The following SMURF1 variants were observed in gnomAD, a reference collection of about 807,000 sequenced individuals.
The protein encoded by SMURF1 is SMAD specific E3 ubiquitin protein ligase 1, also known as E3 ubiquitin-protein ligase SMURF1.
A neutral mutation model predicts 98.0 loss-of-function variants in SMURF1; 44 were observed. That is an observed-to-expected ratio of 0.45 (90% CI 0.35 to 0.58). The LOEUF (loss-of-function observed/expected upper bound fraction) is 0.58. Ranked by LOEUF, SMURF1 falls within the 20% of genes least tolerant of loss-of-function variation. SMURF1 has a pLI of 0.00. For missense variants in SMURF1, 687 were observed against 938.4 expected (o/e 0.73, Z 3.50); for synonymous variants, 396 against 374.9 (o/e 1.06, Z -0.65).
At chr7:99,056,195 A>G (rs1309713593) in intron 5 of SMURF1, among the ~76,000 whole-genome samples, 1 of 152,124 alleles carries the variant, frequency 6.6e-6, no homozygotes, top group African/African-American at 2.4e-5. Flanking sequence ...GTATGTCTGC[A>G]CTATTCATTT....
chr7:99,130,483 CATT>C (rs1797848923), intron 1 of SMURF1, among the ~76,000 whole-genome samples: 1 of 152,066 alleles, frequency 6.6e-6, no homozygotes, highest in Admixed American at 6.6e-5. Context: ...TCCCAAATAA[CATT>C]ATACAACAAT....
intron 1 of SMURF1, among the ~76,000 whole-genome samples, chr7:99,136,183 G>C (rs1797989692): frequency 6.6e-6 from 1 of 152,168 alleles, no homozygotes; most frequent in African/African-American, 2.4e-5. Context: ...GACAGAGCAA[G>C]ACCCCATCTC....
At chr7:99,078,980 A>G (rs1472852194) in intron 1 of SMURF1, among the ~76,000 whole-genome samples, 1 of 152,224 alleles carries the variant, frequency 6.6e-6, no homozygotes, top group Non-Finnish European at 1.5e-5. Flanking sequence ...CCTGGTGCCA[A>G]AAAGGCTGGG....
At chr7:99,134,412 T>C (rs558256807) in intron 1 of SMURF1, among the ~76,000 whole-genome samples, 1 of 152,310 alleles carries the variant, frequency 6.6e-6, no homozygotes, top group South Asian at 2.1e-4. Flanking sequence ...TTAGTATCAC[T>C]GACAGGTATG....
intron 1 of SMURF1, among the ~76,000 whole-genome samples, chr7:99,131,493 T>C (rs1438622023): frequency 6.6e-6 from 1 of 151,860 alleles, no homozygotes; most frequent in Non-Finnish European, 1.5e-5. Context: ...CCTGTAATCC[T>C]AGTACTTTGG....
chr7:99,123,326 A>G (rs952372972), intron 1 of SMURF1, among the ~76,000 whole-genome samples: 3 of 152,074 alleles, frequency 2.0e-5, no homozygotes, highest in Non-Finnish European at 4.4e-5. Flanking sequence ...AGAGACCAGG[A>G]GTTCGAGACC....
intron 6 of SMURF1, among the ~76,000 whole-genome samples, chr7:99,052,808 G>A (rs1795791708): frequency 1.3e-5 from 2 of 152,208 alleles, no homozygotes; most frequent in Admixed American, 1.3e-4. Flanking sequence ...GCTCACGCCT[G>A]TAATCCCAAC....
In SMURF1 at chr7:99,063,296, TATATATATAA is replaced by T. The variant is rs1796109401; in HGVS notation, c.56-1469_56-1460del. Among the ~76,000 whole-genome samples, 21 of 22,664 alleles carry T rather than the reference TATATATATAA, an allele frequency of 9.3e-4. 1 individual carries two copies. In the East Asian group the frequency reaches 0.019, roughly 21 times the overall value. The allele number at this position is 22,664 out of a possible 152,430, so 14.9% of individuals were successfully genotyped here. On this transcript the variant is annotated intron_variant, in intron 1 of 17. Transcript: ENST00000361368. ...ATATATATATATATATATATATATA[TATATATATAA>T]AAAGAGACAGGGTCTCACTCCGTCA...
intron 1 of SMURF1, among the ~76,000 whole-genome samples, chr7:99,141,182 A>G (rs1023825231): frequency 6.6e-5 from 10 of 152,240 alleles, no homozygotes; most frequent in African/African-American, 2.2e-4. Context: ...TCCTCAAAGC[A>G]TTCTTGCTTC....
intron 1 of SMURF1, among the ~76,000 whole-genome samples, chr7:99,141,278 G>T (rs1419937982): frequency 6.6e-6 from 1 of 152,196 alleles, no homozygotes; most frequent in Admixed American, 6.5e-5. Flanking sequence ...TGGCAAATAG[G>T]ATTGATTAAT....
At chr7:99,034,421 A>C (rs1795044052) in intron 16 of SMURF1, among the ~76,000 whole-genome samples, 2 of 152,186 alleles carry the variant, frequency 1.3e-5, no homozygotes, top group South Asian at 4.1e-4. Context: ...TGCTGTGGGC[A>C]AGACAATGGC....
chr7:99,080,322 G>A (rs1584155545), intron 1 of SMURF1, among the ~76,000 whole-genome samples: 4 of 152,274 alleles, frequency 2.6e-5, no homozygotes, highest in South Asian at 2.1e-4. Context: ...TTTTTGAGAC[G>A]GAGTTTCGCT....
At chr7:99,089,344 T>C (rs887250548) in intron 1 of SMURF1, among the ~76,000 whole-genome samples, 1 of 151,440 alleles carries the variant, frequency 6.6e-6, no homozygotes, top group Non-Finnish European at 1.5e-5. Flanking sequence ...TTTTTTTATT[T>C]TAAAAACTGT....
chr7:99,061,870 T>TCTG, intron 1 of SMURF1, 33 bp from the exon 2 acceptor site: 1 of 1,535,300 alleles, frequency 6.5e-7, no homozygotes, highest in Non-Finnish European at 8.8e-7. Flanking sequence ...CAGGTTAGCA[T>TCTG]TAAAGACGAG....
chr7:99,071,993 T>G (rs572687864), intron 1 of SMURF1, among the ~76,000 whole-genome samples: 43 of 151,988 alleles, frequency 2.8e-4, no homozygotes, highest in Non-Finnish European at 4.9e-4. Flanking sequence ...GGAGGAGAAC[T>G]GCTTGAACCC....
rs1794829938 is a variant in SMURF1, at chr7:99,030,313, G to A, written c.*271C>T. Reference sequence around the variant, plus strand: ...GTTGCAACACAGCAGAATATCCTGTGTGACCAAAGCCAAAGGCTAAACCTG... The same window carrying A: ...GTTGCAACACAGCAGAATATCCTGTATGACCAAAGCCAAAGGCTAAACCTG... On this transcript the variant is annotated 3_prime_UTR_variant, in exon 18 of 18. Transcript: ENST00000361368. 2 of 446,996 alleles carry A rather than the reference G, an allele frequency of 4.5e-6. No individual in the cohort carries two copies. Among genetic ancestry groups the A allele is most frequent in the Non-Finnish European group, 8.3e-6 (2 of 241,232 alleles). The allele number at this position is 446,996 out of a possible 1,614,324, so 27.7% of individuals were successfully genotyped here.
chr7:99,073,683 T>C (rs942895293), intron 1 of SMURF1, among the ~76,000 whole-genome samples: 1 of 151,820 alleles, frequency 6.6e-6, no homozygotes, highest in East Asian at 1.9e-4. Flanking sequence ...GGACAATCGC[T>C]TGAACCCAGG....
intron 15 of SMURF1, chr7:99,036,032 T>A: frequency 2.5e-6 from 1 of 396,758 alleles, no homozygotes; most frequent in South Asian, 2.2e-5. Flanking sequence ...CCGGTGACAC[T>A]GAACAGAGCT....
intron 5 of SMURF1, 103 bp downstream of exon 5, chr7:99,057,102 G>C: frequency 8.1e-7 from 1 of 1,236,928 alleles, no homozygotes; most frequent in Non-Finnish European, 1.2e-6. Flanking sequence ...TGTCCTCTGA[G>C]GCCCGTCAGC....
Sources: gnomAD v4.1 joint callset for allele counts (sites outside exome capture counted in the v4.1 genomes callset) on GRCh38, gnomAD v4.1.1 for gene constraint, MANE v1.5 for transcripts, NCBI Gene and HGNC (gene_info 2026-07-23, HGNC 2026-07-21) for gene names.